The following PTPRD variants were observed in gnomAD, a reference collection of about 807,000 sequenced individuals.
PTPRD encodes protein tyrosine phosphatase receptor type D, also known as receptor-type tyrosine-protein phosphatase delta.
Under a neutral mutation model 214.5 loss-of-function variants are expected in PTPRD, and 34 were observed. That is an observed-to-expected ratio of 0.16 (90% CI 0.12 to 0.21). The LOEUF is 0.21. PTPRD is among the 10% of genes least tolerant of loss of function. The pLI, the probability that PTPRD is intolerant of heterozygous loss-of-function variation, is 1.00. For missense variants in PTPRD, 2,545 were observed against 2,398.7 expected (o/e 1.06, Z -1.27); for synonymous variants, 1,128 against 845.7 (o/e 1.33, Z -5.79).
intron 10 of PTPRD, among the ~76,000 whole-genome samples, chr9:9,123,185 T>C (rs1270182159): frequency 1.3e-5 from 2 of 152,100 alleles, no homozygotes; most frequent in East Asian, 3.9e-4. Flanking sequence ...TGCGGTTAGA[T>C]TTAGGGTCAG....
At chr9:9,859,340 G>C (rs1303846931) in intron 5 of PTPRD, among the ~76,000 whole-genome samples, 2 of 152,164 alleles carry the variant, frequency 1.3e-5, no homozygotes, top group African/African-American at 4.8e-5. Flanking sequence ...AATTGCAACA[G>C]CTTCCTGGAC....
intron 31 of PTPRD, among the ~76,000 whole-genome samples, chr9:8,469,155 G>A (rs1327916479): frequency 6.6e-6 from 1 of 151,972 alleles, no homozygotes; most frequent in Admixed American, 6.6e-5. Flanking sequence ...ATGACCCTTT[G>A]TTATGGGAAT....
intron 11 of PTPRD, among the ~76,000 whole-genome samples, chr9:8,780,645 T>G (rs1167824121): frequency 6.6e-6 from 1 of 152,158 alleles, no homozygotes; most frequent in Non-Finnish European, 1.5e-5. Flanking sequence ...TGTCAGTCAG[T>G]AGAATGAAAA....
intron 2 of PTPRD, among the ~76,000 whole-genome samples, chr9:10,480,634 T>C (rs967159662): frequency 6.6e-6 from 1 of 151,992 alleles, no homozygotes; most frequent in Non-Finnish European, 1.5e-5. Context: ...AATATTAACA[T>C]ATTTATACAA....
At chr9:9,968,143 G>A (rs188116365) in intron 4 of PTPRD, among the ~76,000 whole-genome samples, 41 of 152,180 alleles carry the variant, frequency 2.7e-4, no homozygotes, top group Admixed American at 1.8e-3. Flanking sequence ...CATTTTAAAG[G>A]GAACCTATTA....
intron 5 of PTPRD, among the ~76,000 whole-genome samples, chr9:9,874,143 T>A (rs927226611): frequency 6.6e-6 from 1 of 151,986 alleles, no homozygotes; most frequent in African/African-American, 2.4e-5. Flanking sequence ...AAAAGAAGGG[T>A]AAATTACTAT....
At chr9:8,835,573 A>T (rs2097400523) in intron 11 of PTPRD, among the ~76,000 whole-genome samples, 1 of 152,168 alleles carries the variant, frequency 6.6e-6, no homozygotes, top group Non-Finnish European at 1.5e-5. Context: ...TCTGTCACTC[A>T]AGCTGGAGTG....
At chr9:8,550,976 T>C (rs1023944185) in intron 14 of PTPRD, among the ~76,000 whole-genome samples, 19 of 152,202 alleles carry the variant, frequency 1.2e-4, no homozygotes, top group Admixed American at 1.2e-3. Context: ...AACAATAGCA[T>C]CCCAGTTCTG....
intron 3 of PTPRD, among the ~76,000 whole-genome samples, chr9:10,302,070 C>G (rs1318994450): frequency 1.3e-5 from 2 of 152,184 alleles, no homozygotes; most frequent in East Asian, 3.9e-4. Context: ...AACAGCGGAT[C>G]TCTTGGCAGA....
intron 4 of PTPRD, among the ~76,000 whole-genome samples, chr9:10,018,714 A>AT (rs1348902419): frequency 2.0e-5 from 3 of 148,696 alleles, no homozygotes; most frequent in South Asian, 2.2e-4. Flanking sequence ...CGCCCGGCTA[A>AT]TTTTTTTTGT....
chr9:8,651,594 T>C lies in PTPRD; in HGVS notation c.65-14750A>G, dbSNP rs543268399. On this transcript the variant is annotated intron_variant, in intron 12 of 45. Coordinates refer to ENST00000381196, the MANE Select transcript of PTPRD (RefSeq NM_002839.4). ...CCTTCCCAGCTACATCTCTGTAAAA[T>C]AACTCTATCAACATTTCCATGACAG... Among the ~76,000 whole-genome samples the C allele has an allele frequency of 3.3e-5, 5 of 152,302 alleles. No homozygotes were observed. The South Asian group carries it at 8.3e-4, about 25-fold the overall frequency.
intron 14 of PTPRD, among the ~76,000 whole-genome samples, chr9:8,599,668 G>C (rs1376489818): frequency 7.8e-6 from 1 of 128,958 alleles, no homozygotes. Context: ...TTGTTGCCCA[G>C]GCTGGAGTGC....
At chr9:8,422,430 G>C (rs2094431236) in intron 35 of PTPRD, among the ~76,000 whole-genome samples, 1 of 152,064 alleles carries the variant, frequency 6.6e-6, no homozygotes, top group African/African-American at 2.4e-5. Flanking sequence ...ACATTTTTAT[G>C]TGTTTGTTTT....
chr9:8,902,442 A>G (rs554225558), intron 11 of PTPRD, among the ~76,000 whole-genome samples: 1 of 151,216 alleles, frequency 6.6e-6, no homozygotes, highest in East Asian at 2.0e-4. Flanking sequence ...TCCTGGGTTC[A>G]AGTGATTCTC....
At chr9:9,001,952 T>C (rs73439803) in intron 11 of PTPRD, among the ~76,000 whole-genome samples, 2,236 of 149,974 alleles carry the variant, frequency 0.015, 28 homozygotes, top group African/African-American at 0.029. Flanking sequence ...TATGCAATAA[T>C]TGATTACTAC....
In PTPRD at chr9:9,480,072, C is replaced by T. The variant is rs2095337615; in HGVS notation, c.-236-82590G>A. Among the ~76,000 whole-genome samples, 6 of 152,102 alleles carry T rather than the reference C, an allele frequency of 3.9e-5. No homozygotes were observed. The South Asian group carries it at 1.2e-3, about 31-fold the overall frequency. On this transcript the variant is annotated intron_variant, in intron 8 of 45. Transcript: ENST00000381196. ...TCAATTGTCCTATCACAGAATGTTG[C>T]TATCAAAAATGCCATGAAAATACTG...
chr9:8,497,729 A>C (rs890404122), intron 25 of PTPRD, among the ~76,000 whole-genome samples: 2 of 152,244 alleles, frequency 1.3e-5, no homozygotes, highest in Non-Finnish European at 2.9e-5. Flanking sequence ...GAAAGAAAGA[A>C]AATACACAAG....
intron 10 of PTPRD, among the ~76,000 whole-genome samples, chr9:9,080,864 T>G (rs1168328691): frequency 6.6e-6 from 1 of 152,158 alleles, no homozygotes; most frequent in African/African-American, 2.4e-5. Context: ...CATTTTTTAT[T>G]GCATCTATTT....
At chr9:8,469,069 C>A (rs1206193267) in intron 31 of PTPRD, among the ~76,000 whole-genome samples, 1 of 151,940 alleles carries the variant, frequency 6.6e-6, no homozygotes, top group African/African-American at 2.4e-5. Flanking sequence ...CATCCCGACC[C>A]AAAAATTTTG....
Sources: gnomAD v4.1 joint callset for allele counts (sites outside exome capture counted in the v4.1 genomes callset) on GRCh38, gnomAD v4.1.1 for gene constraint, MANE v1.5 for transcripts, NCBI Gene and HGNC (gene_info 2026-07-23, HGNC 2026-07-21) for gene names.